MYH14: variants seen among roughly 807,000 people sequenced by gnomAD.
MYH14 encodes the protein myosin-14.
In MYH14, 123 loss-of-function variants were observed where a neutral mutation model predicts 255.5. The observed-to-expected ratio is 0.48, with a 90% CI of 0.42 to 0.56. The LOEUF (loss-of-function observed/expected upper bound fraction) is 0.56. Ranked by LOEUF, MYH14 falls within the 20% of genes least tolerant of loss-of-function variation. The pLI is 0.00. For synonymous variants in MYH14, 1,095 were observed against 1,161.2 expected, an observed-to-expected ratio of 0.94 and a Z score of 1.16; for missense variants, 2,423 against 2,802.3, an observed-to-expected ratio of 0.86 and a Z score of 3.06.
At chr19:50,289,208 G>A (rs1189895018) in intron 34 of MYH14, among the ~76,000 whole-genome samples, 1 of 152,162 alleles carries the variant, frequency 6.6e-6, no homozygotes, top group African/African-American at 2.4e-5. Flanking sequence ...TCAGATAATA[G>A]AATTATGAAG....
intron 8 of MYH14, among the ~76,000 whole-genome samples, chr19:50,228,130 A>G (rs1398360037): frequency 6.6e-6 from 1 of 151,894 alleles, no homozygotes; most frequent in African/African-American, 2.4e-5. Flanking sequence ...ATAAAAATAC[A>G]AAAAAATTAG....
chr19:50,260,192 C>T (rs1179992262), intron 19 of MYH14, among the ~76,000 whole-genome samples: 4 of 152,100 alleles, frequency 2.6e-5, no homozygotes, highest in East Asian at 1.9e-4. Flanking sequence ...TTTGGGAGGC[C>T]GAGGCGGGTG....
In MYH14 at chr19:50,271,876, G is replaced by T. The variant is rs901225139; in HGVS notation, c.3199G>T (p.Ala1067Ser). Residue 1067 changes from alanine (A) to serine (S), a missense_variant, in exon 26 of 43, where the codon GCC (alanine) becomes TCC (serine). By Grantham distance (99) the Ala-to-Ser change is moderately conservative. Coordinates refer to ENST00000642316, the MANE Select transcript of MYH14 (RefSeq NM_001145809.2). ...KERKLLEDRL[A>S]EFSSQAAEEE... ...GCGGAAGCTGCTGGAAGATCGTCTG[G>T]CCGAGTTCTCATCCCAGGCAGCTGA... The T allele has an allele frequency of 6.2e-7, 1 of 1,613,494 alleles. No homozygotes were observed. The highest frequency in any genetic ancestry group is 8.5e-7 in the Non-Finnish European group (1 of 1,179,800).
chr19:50,257,268 TTCTC>T, intron 17 of MYH14, 27 bp from the exon 18 acceptor site: 5 of 1,539,446 alleles, frequency 3.2e-6, no homozygotes, highest in Admixed American at 1.8e-5. Context: ...CCTGACCTCC[TTCTC>T]TCTCTCTCTG....
chr19:50,219,350 G>C (rs770161286), intron 3 of MYH14, among the ~76,000 whole-genome samples: 36 of 151,700 alleles, frequency 2.4e-4, no homozygotes, highest in Non-Finnish European at 4.3e-4. Context: ...GGTTCTTTAA[G>C]TAATCTCCAT....
intron 10 of MYH14, among the ~76,000 whole-genome samples, chr19:50,238,508 G>A (rs561718433): frequency 6.6e-6 from 1 of 152,150 alleles, no homozygotes; most frequent in Non-Finnish European, 1.5e-5. Flanking sequence ...GCAGAGTGCG[G>A]TGGTGTGATC....
Position 50,268,218 on chromosome 19 carries a change from G to T in MYH14, c.2884G>T (p.Ala962Ser). ...ATTGCGAGCAGAGGCAGAACTGTGT[G>T]CAGAGGCCGAGGAGACGCGGGGGAG... is the stretch of plus-strand genomic sequence containing the variant. ...EQLRAEAELCAEAEETRGRLA... is the reference protein window; with the variant it reads ...EQLRAEAELCSEAEETRGRLA... The change falls in exon 24 of 43, where the codon GCA becomes TCA. Residue 962 changes from alanine to serine, a missense_variant. Around this residue, in one of 3 missense-constraint regions of MYH14, gnomAD observed 1,513 missense variants for 1,674.8 expected, o/e 0.90. Transcript: ENST00000642316. The T allele has an allele frequency of 1.9e-6, 3 of 1,558,792 alleles. No homozygotes were observed. Among genetic ancestry groups the T allele is most frequent in the African/African-American group, 1.4e-5 (1 of 73,424 alleles).
chr19:50,294,490 A>C (rs964927872), intron 39 of MYH14, among the ~76,000 whole-genome samples: 1 of 144,470 alleles, frequency 6.9e-6, no homozygotes, highest in African/African-American at 2.6e-5. Flanking sequence ...GCTGGAGTGC[A>C]GTGGTGCTAT....
In MYH14 at chr19:50,283,907, T is replaced by C. The variant is rs922581462; in HGVS notation, c.4539+2065T>C. ...GACCAACATGGAGAAACCCCGTCTC[T>C]ACTAAAAATACAAAATTAGGTAGGC... On this transcript the variant is annotated intron_variant, in intron 33 of 42. Transcript: ENST00000642316. Among the ~76,000 whole-genome samples, 20 of 152,246 alleles carry C rather than the reference T, an allele frequency of 1.3e-4. 1 individual carries two copies. The highest frequency in any genetic ancestry group is 7.8e-4 in the Admixed American group (12 of 15,304).
At chr19:50,295,203 T>C (rs921589546) in intron 39 of MYH14, among the ~76,000 whole-genome samples, 1 of 151,868 alleles carries the variant, frequency 6.6e-6, no homozygotes, top group Non-Finnish European at 1.5e-5. Flanking sequence ...CATGTACCTG[T>C]AGTCCCAGCT....
At position 50,266,371 on chromosome 19, in the gene MYH14, G is replaced by A. The variant is rs189339180; in HGVS notation, c.2695-506G>A. ...AGGCCGGGAGTTGGAGACCAGCCTGGCCAACATAGCGAAACCCTCTCTACT... is the reference window on the plus strand; with the variant it reads ...AGGCCGGGAGTTGGAGACCAGCCTGACCAACATAGCGAAACCCTCTCTACT... On this transcript the variant is annotated intron_variant, in intron 22 of 42. Coordinates refer to ENST00000642316, the MANE Select transcript of MYH14 (RefSeq NM_001145809.2). This position sits in a 1 kb window ranked among gnomAD's most constrained non-coding sequence, Gnocchi z 4.1. 6.6e-6 allele frequency among the ~76,000 whole-genome samples: 1 copy of A among 152,280 alleles called. No individual in the cohort carries two copies. Among genetic ancestry groups the A allele is most frequent in the African/African-American group, 2.4e-5 (1 of 41,548 alleles).
At chr19:50,232,162 G>A (rs1266111018) in intron 10 of MYH14, 92 bp downstream of exon 10, 8 of 1,517,862 alleles carry the variant, frequency 5.3e-6, no homozygotes, top group Non-Finnish European at 3.6e-6. Context: ...TTGAGCAAGT[G>A]TTTATTGAGC....
At chr19:50,292,588 G>A (rs1334073714) in intron 37 of MYH14, among the ~76,000 whole-genome samples, 199 bp downstream of exon 37, 2 of 151,928 alleles carry the variant, frequency 1.3e-5, no homozygotes, top group Middle Eastern at 3.4e-3. Flanking sequence ...CTAACCACAG[G>A]GTCCCAGGGT....
In MYH14 at chr19:50,216,331, G is replaced by A. The variant is rs374540257; in HGVS notation, c.406-1284G>A. Among the ~76,000 whole-genome samples, 22 of 152,132 alleles carry A rather than the reference G, an allele frequency of 1.4e-4. No individual in the cohort carries two copies. The East Asian group carries it at 2.1e-3, about 15-fold the overall frequency. On this transcript the variant is annotated intron_variant, in intron 2 of 42. Coordinates refer to ENST00000642316, the MANE Select transcript of MYH14 (RefSeq NM_001145809.2). ...GTCTACAAAAAAATACACCAGGTGC[G>A]GTGACTCAAGCCTGTAATCCCGGCA...
chr19:50,272,799 A>G (rs2035361302), intron 27 of MYH14, 68 bp downstream of exon 27: 1 of 1,481,996 alleles, frequency 6.7e-7, no homozygotes, highest in Non-Finnish European at 9.1e-7. Context: ...TGGGGTGCCC[A>G]AGTCAGAAGC....
intron 16 of MYH14, among the ~76,000 whole-genome samples, chr19:50,254,618 G>C (rs2034525316): frequency 6.6e-6 from 1 of 152,150 alleles, no homozygotes. Flanking sequence ...CTGGGGAGCT[G>C]CCATAATGTC....
chr19:50,272,336 G>T (rs1193267093), intron 26 of MYH14, among the ~76,000 whole-genome samples: 5 of 152,088 alleles, frequency 3.3e-5, no homozygotes, highest in African/African-American at 1.2e-4. Flanking sequence ...GTCAGAGGGT[G>T]GAGGCATGGG....
At chr19:50,262,561 A>G (rs2034923656) in intron 21 of MYH14, among the ~76,000 whole-genome samples, 1 of 150,086 alleles carries the variant, frequency 6.7e-6, no homozygotes, top group African/African-American at 2.4e-5. Context: ...AAGCTGAAAG[A>G]ATAGAGTGGC....
At position 50,230,398 on chromosome 19, in the gene MYH14, G is replaced by A. The variant is rs1309848611; in HGVS notation, c.875-127G>A. On this transcript the variant is annotated intron_variant, in intron 8 of 42. Transcript: ENST00000642316. This position sits in a 1 kb window ranked among gnomAD's most constrained non-coding sequence, Gnocchi z 4.7. ...CAGTTAGTGGCAAAGTCACCAGCCT[G>A]GGCTGTGAGCGACTCCACTACACCA... 6.3e-6 allele frequency: 5 copies of A among 797,286 alleles called. 1 individual carries two copies. The highest frequency in any genetic ancestry group is 1.0e-5 in the Non-Finnish European group (5 of 479,122). The allele number at this position is 797,286 out of a possible 1,614,324, so 49.4% of individuals were successfully genotyped here. A position where few individuals can be genotyped will look rare whatever the true frequency, so the allele number is the denominator to read the frequency against.
Sources: gnomAD v4.1 joint callset for allele counts (sites outside exome capture counted in the v4.1 genomes callset) on GRCh38, gnomAD v4.1.1 for gene constraint, gnomAD v4.1.1 regional missense constraint, Gnocchi (gnomAD v3.1) non-coding constraint, MANE v1.5 for transcripts, NCBI Gene and HGNC (gene_info 2026-07-23, HGNC 2026-07-21) for gene names.